Variants in LONRF3 observed in about 807,000 individuals in gnomAD.
LONRF3 encodes LON peptidase N-terminal domain and RING finger protein 3.
LONRF3 carries 19 observed loss-of-function variants against 51.7 expected under a neutral mutation model. The observed-to-expected ratio is 0.37, with a 90% CI of 0.26 to 0.54. LONRF3 has a LOEUF of 0.54. Ranked by LOEUF, LONRF3 falls within the 20% of genes least tolerant of loss-of-function variation. The pLI is 0.86. For missense variants in LONRF3, 521 were observed against 623.9 expected (o/e 0.84, Z 1.76); for synonymous variants, 265 against 257.8 (o/e 1.03, Z -0.27).
intron 5 of LONRF3, among the ~76,000 whole-genome samples, chrX:118,992,170 A>G (rs751792880): frequency 3.8e-4 from 42 of 111,771 alleles, no homozygotes; most frequent in Non-Finnish European, 6.4e-4. Flanking sequence ...TAAAGAACAA[A>G]CCAGCAATCC....
chrX:118,977,444 ACC>A (rs1333539625), intron 1 of LONRF3, among the ~76,000 whole-genome samples: 7 of 112,046 alleles, frequency 6.2e-5, no homozygotes. Flanking sequence ...GGCCAGCTTT[ACC>A]CTTCTAAGAG....
At chrX:118,987,453 T>G (rs903668147) in intron 3 of LONRF3, among the ~76,000 whole-genome samples, 13 of 83,127 alleles carry the variant, frequency 1.6e-4, no homozygotes, top group African/African-American at 6.2e-4. Context: ...AAGTTTTTTT[T>G]TTTTTTTTTT....
At chrX:118,980,958 A>G (rs1375673309) in intron 2 of LONRF3, among the ~76,000 whole-genome samples, 2 of 111,925 alleles carry the variant, frequency 1.8e-5, no homozygotes, top group Non-Finnish European at 3.8e-5. Flanking sequence ...GTGATGAGAT[A>G]ATTTATTTTC....
intron 5 of LONRF3, among the ~76,000 whole-genome samples, chrX:118,996,217 G>A (rs1807937): frequency 0.42 from 45,948 of 109,879 alleles, 7,166 homozygotes; most frequent in African/African-American, 0.51. Flanking sequence ...AATACTGAAC[G>A]GGGAAAAGTT....
chrX:119,007,383 C>T (rs1362240699), intron 6 of LONRF3, among the ~76,000 whole-genome samples: 2 of 111,937 alleles, frequency 1.8e-5, no homozygotes, highest in African/African-American at 6.5e-5. Context: ...CCTGGAAGCC[C>T]TAGAGCTTTT....
chrX:119,000,390 C>A (rs796479755), intron 5 of LONRF3, among the ~76,000 whole-genome samples: 8 of 111,893 alleles, frequency 7.1e-5, no homozygotes, highest in South Asian at 3.8e-4. Flanking sequence ...GTGAATGGAA[C>A]AATAATCGGA....
chrX:119,009,251 T>A lies in LONRF3; in HGVS notation c.1652+4T>A. 8.3e-7 allele frequency: 1 copy of A among 1,201,821 alleles called. No individual in the cohort carries two copies. The highest frequency in any genetic ancestry group is 1.1e-6 in the Non-Finnish European group (1 of 889,841). Reference sequence around the variant, plus strand: ...AGGAAATGGAAGAACTTTCTAAGTATGTATATGCATATTTCTGTTTTGTTT... The same window carrying A: ...AGGAAATGGAAGAACTTTCTAAGTAAGTATATGCATATTTCTGTTTTGTTT... On this transcript the variant is annotated splice_donor_region_variant and intron_variant, in intron 7 of 10. Transcript: ENST00000371628.
intron 7 of LONRF3, 49 bp from the exon 8 acceptor site, chrX:119,011,766 T>G (rs375356638): frequency 4.1e-5 from 48 of 1,158,526 alleles, no homozygotes; most frequent in Non-Finnish European, 5.3e-5. Context: ...AATATTTTTG[T>G]GTTCTGTCCG....
At chrX:119,016,782 G>A (rs1454926498) in intron 10 of LONRF3, among the ~76,000 whole-genome samples, 1 of 111,946 alleles carries the variant, frequency 8.9e-6, no homozygotes, top group Non-Finnish European at 1.9e-5. Context: ...TAGTGACATG[G>A]TATACATGGA....
intron 2 of LONRF3, among the ~76,000 whole-genome samples, chrX:118,979,638 G>C (rs189238665): frequency 5.4e-5 from 6 of 111,803 alleles, no homozygotes; most frequent in Non-Finnish European, 1.1e-4. Context: ...AGGGACATTA[G>C]AAAGAGGAAG....
At chrX:118,975,669 G>C in intron 1 of LONRF3, 72 bp downstream of exon 1, 1 of 805,660 alleles carries the variant, frequency 1.2e-6, no homozygotes, top group Non-Finnish European at 1.6e-6. Flanking sequence ...AACAAACCCC[G>C]CAGCGAGAAG....
intron 1 of LONRF3, among the ~76,000 whole-genome samples, chrX:118,977,260 G>C (rs1014239076): frequency 2.7e-5 from 3 of 110,966 alleles, no homozygotes; most frequent in Non-Finnish European, 5.7e-5. Context: ...GGCAGGTGGA[G>C]GTCACTTAAC....
chrX:119,008,521 A>G (rs916244732), intron 6 of LONRF3, among the ~76,000 whole-genome samples: 2 of 111,760 alleles, frequency 1.8e-5, no homozygotes, highest in Admixed American at 9.5e-5. Context: ...TGATACCTAG[A>G]TGGTATATTA....
At chrX:118,981,181 G>A (rs1428041913) in intron 2 of LONRF3, among the ~76,000 whole-genome samples, 1 of 110,949 alleles carries the variant, frequency 9.0e-6, no homozygotes, top group Non-Finnish European at 1.9e-5. Flanking sequence ...TGGTTGCCCT[G>A]AGCAGGTAGA....
At chrX:118,992,016 T>G (rs944459068) in intron 5 of LONRF3, among the ~76,000 whole-genome samples, 1 of 112,072 alleles carries the variant, frequency 8.9e-6, no homozygotes, top group African/African-American at 3.2e-5. Context: ...TCCACATCCT[T>G]TAGCAGATTC....
At chrX:118,999,458 G>A (rs756718589) in intron 5 of LONRF3, among the ~76,000 whole-genome samples, 45 of 110,516 alleles carry the variant, frequency 4.1e-4, no homozygotes, top group African/African-American at 1.4e-3. Flanking sequence ...CATGATGTGC[G>A]CTGTGGAGTA....
Position 118,975,116 on chromosome X carries a change from G to A in LONRF3, c.336G>A (p.Ala112=), listed in dbSNP as rs1160303242. ...TGGAGCAGCTGGTGCGCTGCCTGGC[G>A]GAGAAAGTCCCGCAAGGCGAGGCGC... is the stretch of plus-strand genomic sequence containing the variant. ...EQLEQLVRCL[A]EKVPQGEALA... The change falls in exon 1 of 11, where the codon GCG becomes GCA. Residue 112 remains alanine, a synonymous_variant. Transcript: ENST00000371628. The A allele has an allele frequency of 2.1e-5, 25 of 1,169,491 alleles. No homozygotes were observed. Among genetic ancestry groups the A allele is most frequent in the Non-Finnish European group, 2.9e-5 (25 of 875,053 alleles).
At chrX:119,001,972 A>G (rs1322074580) in intron 5 of LONRF3, among the ~76,000 whole-genome samples, 1 of 112,586 alleles carries the variant, frequency 8.9e-6, no homozygotes, top group East Asian at 2.8e-4. Context: ...CCATCAAATA[A>G]TATAAGGCAT....
chrX:119,011,921 A>C lies in LONRF3; in HGVS notation c.1759A>C (p.Ile587Leu). ...TTACCGCCTGATGATTCGTAGATGC[A>C]TTGAGACAGGCACGAGACAGTTTGG... ...PCYRLMIRRC[I>L]ETGTRQFGMC... Residue 587 changes from isoleucine (I) to leucine (L), a missense_variant, in exon 8 of 11, where the codon ATT (isoleucine) becomes CTT (leucine). By Grantham distance (5) the Ile-to-Leu change is conservative (BLOSUM62 2). This residue lies in a region of LONRF3 where 145 missense variants were observed against 247.2 expected (regional missense o/e 0.59). Coordinates refer to ENST00000371628, the MANE Select transcript of LONRF3 (RefSeq NM_001031855.3). 8.3e-7 allele frequency: 1 copy of C among 1,211,867 alleles called. No homozygotes were observed. Among genetic ancestry groups the C allele is most frequent in the Non-Finnish European group, 1.1e-6 (1 of 895,541 alleles).
Sources: allele counts gnomAD v4.1 joint callset (sites outside exome capture counted in the v4.1 genomes callset), GRCh38; gene constraint gnomAD v4.1.1; regional missense constraint gnomAD v4.1.1; transcripts MANE v1.5; gene names NCBI Gene and HGNC (gene_info 2026-07-23, HGNC 2026-07-21).